The following TMOD1 variants were observed in gnomAD, a reference collection of about 807,000 sequenced individuals.
TMOD1 encodes tropomodulin 1.
A neutral mutation model predicts 40.6 loss-of-function variants in TMOD1; 17 were observed. That is an observed-to-expected ratio of 0.42 (90% CI 0.29 to 0.63). The LOEUF (loss-of-function observed/expected upper bound fraction) is 0.63. Among genes scored for constraint, TMOD1 ranks in the 20% least tolerant of loss-of-function variants. The pLI is 0.22. For synonymous variants in TMOD1, 181 were observed against 175.0 expected, an observed-to-expected ratio of 1.03 and a Z score of -0.27; for missense variants, 391 against 447.6, an observed-to-expected ratio of 0.87 and a Z score of 1.14.
chr9:97,575,023 C>T (rs1482318106), intron 8 of TMOD1, among the ~76,000 whole-genome samples: 1 of 152,330 alleles, frequency 6.6e-6, no homozygotes, highest in South Asian at 2.1e-4. Context: ...TAAAAGCAGG[C>T]TGCCGGATAA....
intron 8 of TMOD1, among the ~76,000 whole-genome samples, chr9:97,575,744 G>T (rs780106842): frequency 1.3e-5 from 2 of 152,192 alleles, no homozygotes; most frequent in Non-Finnish European, 2.9e-5. Context: ...CAGAGCCACC[G>T]GCTCCAGGAT....
intron 1 of TMOD1, among the ~76,000 whole-genome samples, chr9:97,504,896 A>G (rs370797713): frequency 1.6e-4 from 25 of 152,246 alleles, no homozygotes; most frequent in Non-Finnish European, 2.8e-4. Flanking sequence ...CCTTAAAGCC[A>G]GAACACCAGA....
In TMOD1 at chr9:97,524,193, C is replaced by G. The variant is rs781638689; in HGVS notation, c.5C>G (p.Ser2Trp). 1 of 1,613,764 alleles carries G rather than the reference C, an allele frequency of 6.2e-7. No individual in the cohort carries two copies. Among genetic ancestry groups the G allele is most frequent in the Non-Finnish European group, 8.5e-7 (1 of 1,179,858 alleles). M[S>W]YRRELEKYRD... Reference sequence around the variant, plus strand: ...ACACAGACAAGTTCTTCCACGATGTCGTACAGACGAGAACTAGAGAAATAC... The same window carrying G: ...ACACAGACAAGTTCTTCCACGATGTGGTACAGACGAGAACTAGAGAAATAC... Residue 2 changes from serine to tryptophan, a missense_variant, in exon 2 of 10, where the codon TCG becomes TGG. By Grantham distance (177) the Ser-to-Trp change is radical (BLOSUM62 -3). Coordinates refer to ENST00000259365, the MANE Select transcript of TMOD1 (RefSeq NM_003275.4).
intron 1 of TMOD1, among the ~76,000 whole-genome samples, chr9:97,505,841 C>T (rs1421237688): frequency 1.3e-5 from 2 of 152,212 alleles, no homozygotes; most frequent in Non-Finnish European, 2.9e-5. Flanking sequence ...CTTCCTCTCT[C>T]CCCTAAGCTG....
chr9:97,565,137 C>T (rs957968884), intron 6 of TMOD1, among the ~76,000 whole-genome samples: 3 of 152,342 alleles, frequency 2.0e-5, no homozygotes, highest in Admixed American at 6.5e-5. Context: ...TGAATGCTGC[C>T]TCAGGGCCAC....
chr9:97,514,231 T>G (rs956536852), intron 1 of TMOD1, among the ~76,000 whole-genome samples: 4 of 75,892 alleles, frequency 5.3e-5, no homozygotes, highest in African/African-American at 8.0e-5. Context: ...CTGGCTAATG[T>G]TTTTTTTTTG....
chr9:97,573,456 G>A (rs1373181824), intron 8 of TMOD1, among the ~76,000 whole-genome samples: 3 of 152,204 alleles, frequency 2.0e-5, no homozygotes, highest in African/African-American at 7.2e-5. Flanking sequence ...ATTTGTGTCT[G>A]GCTTTTTTTA....
chr9:97,533,782 G>C (rs537975891), intron 2 of TMOD1, among the ~76,000 whole-genome samples: 1 of 152,342 alleles, frequency 6.6e-6, no homozygotes, highest in South Asian at 2.1e-4. Context: ...TGAGAACCCA[G>C]GTTATCAGGT....
At chr9:97,504,320 C>G (rs1829554944) in intron 1 of TMOD1, among the ~76,000 whole-genome samples, 1 of 152,132 alleles carries the variant, frequency 6.6e-6, no homozygotes. Context: ...TTCTCCACTT[C>G]TTCAGGCTGT....
intron 8 of TMOD1, among the ~76,000 whole-genome samples, chr9:97,575,495 A>G (rs895698030): frequency 1.3e-5 from 2 of 152,210 alleles, no homozygotes; most frequent in African/African-American, 4.8e-5. Flanking sequence ...AGGTATCTCA[A>G]AGGGGGAGGA....
intron 2 of TMOD1, among the ~76,000 whole-genome samples, chr9:97,525,312 T>C (rs1257490569): frequency 6.6e-6 from 1 of 152,182 alleles, no homozygotes; most frequent in African/African-American, 2.4e-5. Flanking sequence ...TCAAACAATC[T>C]TGTGTTACAT....
At chr9:97,547,317 T>A (rs887082983) in intron 3 of TMOD1, among the ~76,000 whole-genome samples, 11 of 152,166 alleles carry the variant, frequency 7.2e-5, no homozygotes, top group Non-Finnish European at 1.6e-4. Flanking sequence ...CCTGGAGTGC[T>A]GGTCCTGCTG....
At chr9:97,589,591 T>C (rs1825959504) in intron 8 of TMOD1, among the ~76,000 whole-genome samples, 1 of 152,156 alleles carries the variant, frequency 6.6e-6, no homozygotes, top group Non-Finnish European at 1.5e-5. Context: ...AACTCACTAA[T>C]TTTGTGTAGG....
chr9:97,508,056 TTC>T (rs1829618930), intron 1 of TMOD1, among the ~76,000 whole-genome samples: 1 of 96,066 alleles, frequency 1.0e-5, no homozygotes, highest in Admixed American at 1.2e-4. Context: ...ATCTTCCTGA[TTC>T]ACACACACAC....
chr9:97,587,156 G>A (rs1466623848), intron 8 of TMOD1, among the ~76,000 whole-genome samples: 1 of 152,228 alleles, frequency 6.6e-6, no homozygotes, highest in African/African-American at 2.4e-5. Flanking sequence ...CCACTCACCT[G>A]TTGAAGGGCG....
At position 97,564,881 on chromosome 9, in the gene TMOD1, GC is replaced by G. The variant is rs1324984529; in HGVS notation, c.618+715del. Reference sequence around the variant, plus strand: ...GAGGGGGGTGGGGGTAAGACTAGAAGCCAGCCCCCCATGCCCCTGCTCCACT... The same window carrying G: ...GAGGGGGGTGGGGGTAAGACTAGAAGCAGCCCCCCATGCCCCTGCTCCACT... On this transcript the variant is annotated intron_variant, in intron 6 of 9. Coordinates refer to ENST00000259365, the MANE Select transcript of TMOD1 (RefSeq NM_003275.4). Among the ~76,000 whole-genome samples the G allele has an allele frequency of 3.3e-5, 5 of 152,188 alleles. No individual in the cohort carries two copies. The East Asian group carries it at 9.6e-4, about 29-fold the overall frequency.
At chr9:97,525,303 C>T (rs961709310) in intron 2 of TMOD1, among the ~76,000 whole-genome samples, 1 of 152,070 alleles carries the variant, frequency 6.6e-6, no homozygotes, top group East Asian at 1.9e-4. Flanking sequence ...AAGTCGGTAT[C>T]AAACAATCTT....
chr9:97,517,090 T>C (rs1293424977), intron 1 of TMOD1, among the ~76,000 whole-genome samples: 2 of 152,146 alleles, frequency 1.3e-5, no homozygotes, highest in African/African-American at 4.8e-5. Flanking sequence ...CTCACACGTA[T>C]AATCCCAGCA....
intron 4 of TMOD1, chr9:97,555,290 G>A: frequency 1.0e-6 from 1 of 962,596 alleles, no homozygotes; most frequent in Non-Finnish European, 1.3e-6. Flanking sequence ...GCAGGGAGGT[G>A]GCTGATGCCT....
Sources: gnomAD v4.1 joint callset for allele counts (sites outside exome capture counted in the v4.1 genomes callset) on GRCh38, gnomAD v4.1.1 for gene constraint, MANE v1.5 for transcripts, NCBI Gene and HGNC (gene_info 2026-07-23, HGNC 2026-07-21) for gene names.